The following EHMT1 variants were observed in gnomAD, a reference collection of about 807,000 sequenced individuals.
The protein encoded by EHMT1 is histone-lysine N-methyltransferase EHMT1.
A neutral mutation model predicts 147.2 loss-of-function variants in EHMT1; 15 were observed. The ratio of observed to expected loss-of-function variants is 0.10; its 90% CI spans 0.07 to 0.16. The LOEUF is 0.16. Ranked by LOEUF, EHMT1 falls within the 10% of genes least tolerant of loss-of-function variation. EHMT1 has a pLI of 1.00. For missense variants in EHMT1, 1,587 were observed against 1,772.4 expected (o/e 0.90, Z 1.88); for synonymous variants, 795 against 709.6 (o/e 1.12, Z -1.91).
chr9:137,782,402 G>A lies in EHMT1; in HGVS notation c.2382+5G>A, dbSNP rs184722423. 6 of 1,603,384 alleles carry A rather than the reference G, an allele frequency of 3.7e-6. No individual in the cohort carries two copies. The highest frequency in any genetic ancestry group is 1.3e-5 in the African/African-American group (1 of 74,686). ...ATCTGCCACATGCTGGTTCAGGTGC[G>A]GCGGCACGGCGCCCTCCTAGGGCTC... On this transcript the variant is annotated splice_donor_5th_base_variant and intron_variant, in intron 15 of 26. Transcript: ENST00000460843. The surrounding 1 kb of genome is among the most constrained non-coding windows in gnomAD (Gnocchi z 5.7).
At chr9:137,682,413 T>C (rs1183377368) in intron 1 of EHMT1, among the ~76,000 whole-genome samples, 1 of 152,252 alleles carries the variant, frequency 6.6e-6, no homozygotes, top group African/African-American at 2.4e-5. Flanking sequence ...GGAAAATTTA[T>C]GATTTCTAAG....
rs370529961 is a variant in EHMT1, at chr9:137,743,705, C to T, written c.981+177C>T. On this transcript the variant is annotated intron_variant, in intron 5 of 26. Transcript: ENST00000460843. ...CAAGATCATTGTGGGGGACTCCACC[C>T]CGTCCTCCCTGCCCTCCTCACCACA... Among the ~76,000 whole-genome samples the T allele has an allele frequency of 7.9e-5, 12 of 152,188 alleles. No individual in the cohort carries two copies. The East Asian group carries it at 1.2e-3, about 15-fold the overall frequency.
rs576471980 is a variant in EHMT1, at chr9:137,818,399, C to T, written c.3540+261C>T. On this transcript the variant is annotated intron_variant, in intron 25 of 26. Coordinates refer to ENST00000460843, the MANE Select transcript of EHMT1 (RefSeq NM_024757.5). ...TTCTTGTGAGAGTGGGCCTGAGACCCACCACTCCAGTCCTCCAAACCACAA... is the reference window on the plus strand; with the variant it reads ...TTCTTGTGAGAGTGGGCCTGAGACCTACCACTCCAGTCCTCCAAACCACAA... Among the ~76,000 whole-genome samples, 215 of 152,076 alleles carry T rather than the reference C, an allele frequency of 1.4e-3. 1 individual carries two copies. Among genetic ancestry groups the T allele is most frequent in the African/African-American group, 5.0e-3 (207 of 41,518 alleles).
intron 4 of EHMT1, among the ~76,000 whole-genome samples, chr9:137,734,477 A>G (rs938712356): frequency 3.3e-5 from 5 of 152,232 alleles, no homozygotes; most frequent in Non-Finnish European, 5.9e-5. Context: ...GGAAGTGAGC[A>G]GAGCCTGGGG....
At chr9:137,794,901 C>T (rs1437828140) in intron 16 of EHMT1, among the ~76,000 whole-genome samples, 1 of 152,118 alleles carries the variant, frequency 6.6e-6, no homozygotes, top group Non-Finnish European at 1.5e-5. Flanking sequence ...CCTGAAGCTT[C>T]CAGGAGGAAA....
intron 2 of EHMT1, among the ~76,000 whole-genome samples, chr9:137,712,246 A>G (rs1289156330): frequency 6.6e-6 from 1 of 152,010 alleles, no homozygotes; most frequent in Non-Finnish European, 1.5e-5. Context: ...TTCCTAGTGG[A>G]ACTTGTTTCC....
intron 25 of EHMT1, among the ~76,000 whole-genome samples, chr9:137,829,269 C>T (rs775379956): frequency 3.3e-5 from 5 of 152,174 alleles, no homozygotes; most frequent in African/African-American, 7.2e-5. Flanking sequence ...ACTTCTCTGC[C>T]ACTTCCTTCA....
intron 1 of EHMT1, among the ~76,000 whole-genome samples, chr9:137,696,983 G>A (rs1943445445): frequency 1.3e-5 from 2 of 152,334 alleles, no homozygotes; most frequent in South Asian, 4.1e-4. Context: ...AGCTGGCCCT[G>A]TGAAAACAGT....
In EHMT1 at chr9:137,813,307, A is replaced by G. The variant is rs1340749609; in HGVS notation, c.3036-79A>G. The G allele has an allele frequency of 6.4e-6, 10 of 1,561,898 alleles. No individual in the cohort carries two copies. Among genetic ancestry groups the G allele is most frequent in the Middle Eastern group, 3.5e-4 (2 of 5,664 alleles). On this transcript the variant is annotated intron_variant, in intron 20 of 26. Coordinates refer to ENST00000460843, the MANE Select transcript of EHMT1 (RefSeq NM_024757.5). This position sits in a 1 kb window ranked among gnomAD's most constrained non-coding sequence, Gnocchi z 4.9. ...AAATTGTCAGGGCCAGGTGTTTGCCAGCCGCCCCACTGCACGCTGTGCCAC... is the reference window on the plus strand; with the variant it reads ...AAATTGTCAGGGCCAGGTGTTTGCCGGCCGCCCCACTGCACGCTGTGCCAC...
chr9:137,675,609 GC>G (rs1941183059), intron 1 of EHMT1, among the ~76,000 whole-genome samples: 1 of 146,316 alleles, frequency 6.8e-6, no homozygotes, highest in South Asian at 2.2e-4. Context: ...GACTACAGGT[GC>G]CGGCCACCAC....
Position 137,814,463 on chromosome 9 carries a change from C to T in EHMT1, c.3213C>T (p.Ser1071=). 1 of 1,610,344 alleles carries T rather than the reference C, an allele frequency of 6.2e-7. No individual in the cohort carries two copies. Among genetic ancestry groups the T allele is most frequent in the Non-Finnish European group, 8.5e-7 (1 of 1,180,018 alleles). Reference sequence around the variant, plus strand: ...TGTGCATCGACGACTGCTCCTCCAGCAACTGCATGTGCGGCCAGCTCAGCA... The same window carrying T: ...TGTGCATCGACGACTGCTCCTCCAGTAACTGCATGTGCGGCCAGCTCAGCA... The part of the protein sequence containing the change: ...YCVCIDDCSS[S]NCMCGQLSMR... Residue 1071 remains serine (S), a synonymous_variant, in exon 22 of 27, where the codon AGC becomes AGT. Transcript: ENST00000460843.
Position 137,787,818 on chromosome 9 carries a change from A to T in EHMT1, c.2383-3030A>T, listed in dbSNP as rs1391875495. 2.2e-6 allele frequency: 2 copies of T among 928,294 alleles called. No homozygotes were observed. Among genetic ancestry groups the T allele is most frequent in the Non-Finnish European group, 3.6e-6 (2 of 558,260 alleles). The allele number at this position is 928,294 out of a possible 1,614,324, so 57.5% of individuals were successfully genotyped here. A position where few individuals can be genotyped will look rare whatever the true frequency, so the allele number is the denominator to read the frequency against. On this transcript the variant is annotated intron_variant, in intron 15 of 26. Transcript: ENST00000460843. This position sits in a 1 kb window ranked among gnomAD's most constrained non-coding sequence, Gnocchi z 4.2. ...TGGGGGCCCTCAGGTTTCAGGGGCC[A>T]CCCCCCAGTAGGCAGAGCTGGTTGA...
At chr9:137,817,231 TG>T in intron 23 of EHMT1, 1 of 638,226 alleles carries the variant, frequency 1.6e-6, no homozygotes, top group Non-Finnish European at 2.8e-6. Context: ...GGTTGTGGGC[TG>T]GGGTGCTCCT....
At chr9:137,804,201 A>G (rs1376090723) in intron 18 of EHMT1, among the ~76,000 whole-genome samples, 5 of 152,176 alleles carry the variant, frequency 3.3e-5, no homozygotes, top group African/African-American at 1.2e-4. Flanking sequence ...GGGGATTACA[A>G]TTCAAGACAA....
intron 17 of EHMT1, 192 bp from the exon 18 acceptor site, chr9:137,800,688 C>T: frequency 3.3e-6 from 2 of 610,800 alleles, no homozygotes; most frequent in East Asian, 5.6e-5. Context: ...TCATCCTGCG[C>T]TTGTGGAGCT....
intron 10 of EHMT1, 154 bp downstream of exon 10, chr9:137,762,974 A>G: frequency 1.1e-6 from 1 of 937,980 alleles, no homozygotes; most frequent in Non-Finnish European, 1.7e-6. Context: ...AGCAGATCCC[A>G]ACAGTGAAAT....
At chr9:137,684,055 G>A (rs1308527054) in intron 1 of EHMT1, among the ~76,000 whole-genome samples, 2 of 151,736 alleles carry the variant, frequency 1.3e-5, no homozygotes, top group African/African-American at 4.8e-5. Flanking sequence ...TGTTTTTTGA[G>A]ACAGGGCCTC....
chr9:137,768,529 A>ATTTTTTTTTTTTTTTTT, intron 10 of EHMT1, among the ~76,000 whole-genome samples: 1 of 18,280 alleles, frequency 5.5e-5, no homozygotes, highest in Non-Finnish European at 1.1e-4. Flanking sequence ...AATTTTTTGT[A>ATTTTTTTTTTTTTTTTT]TTTTTTTTTT....
chr9:137,674,306 G>A lies in EHMT1; in HGVS notation c.22-36661G>A, dbSNP rs189307298. On this transcript the variant is annotated intron_variant, in intron 1 of 26. Transcript: ENST00000460843. The stretch of plus-strand genomic sequence containing the variant: ...GTTCTGAGACCAAATTCCAGGTGCC[G>A]AAAGACATTAAACAGGATTGTGCTC... Among the ~76,000 whole-genome samples, 68 of 152,276 alleles carry A rather than the reference G, an allele frequency of 4.5e-4. 2 individuals are homozygous for A. The highest frequency in any genetic ancestry group is 3.9e-3 in the Admixed American group (59 of 15,292).
Sources: allele counts gnomAD v4.1 joint callset (sites outside exome capture counted in the v4.1 genomes callset), GRCh38; gene constraint gnomAD v4.1.1; non-coding constraint Gnocchi (gnomAD v3.1); transcripts MANE v1.5; gene names NCBI Gene and HGNC (gene_info 2026-07-23, HGNC 2026-07-21).